SLC5A4: variants seen among roughly 807,000 people sequenced by gnomAD.
SLC5A4 encodes solute carrier family 5 member 4.
Under a neutral mutation model 70.3 loss-of-function variants are expected in SLC5A4, and 55 were observed. The ratio of observed to expected loss-of-function variants is 0.78; its 90% confidence interval spans 0.63 to 0.98. The LOEUF is 0.98. Ranked by LOEUF, SLC5A4 falls within the 50% of genes least tolerant of loss-of-function variation. SLC5A4 has a pLI of 0.00. For missense variants in SLC5A4, 735 were observed against 839.2 expected (o/e 0.88, Z 1.53); for synonymous variants, 268 against 305.7 (o/e 0.88, Z 1.29).
chr22:32,314,503 A>G, the SLC5A4 span, among the ~76,000 whole-genome samples: 14 of 152,358 alleles, frequency 9.2e-5, no homozygotes, highest in Non-Finnish European at 1.9e-4. Context: ...CATGTTGAAC[A>G]TATTTTTGAA....
At chr22:32,274,033 GAT>G in the SLC5A4 span, among the ~76,000 whole-genome samples, 1 of 148,784 alleles carries the variant, frequency 6.7e-6, no homozygotes, top group East Asian at 2.0e-4. Flanking sequence ...GTTAACATTT[GAT>G]ATTCTATTTT....
At chr22:32,316,867 C>T in the SLC5A4 span, among the ~76,000 whole-genome samples, 4 of 151,830 alleles carry the variant, frequency 2.6e-5, no homozygotes, top group African/African-American at 9.7e-5. Context: ...TTTCTCAATC[C>T]ATTCCATATG....
chr22:32,349,822 C>G, the SLC5A4 span, among the ~76,000 whole-genome samples: 1 of 152,140 alleles, frequency 6.6e-6, no homozygotes, highest in Non-Finnish European at 1.5e-5. Flanking sequence ...TCCTATATTT[C>G]TCTCTTTTTC....
At chr22:32,285,523 C>T in the SLC5A4 span, among the ~76,000 whole-genome samples, 1 of 152,076 alleles carries the variant, frequency 6.6e-6, no homozygotes, top group African/African-American at 2.4e-5. Context: ...TTTACATCAT[C>T]TTTTGTCATA....
chr22:32,248,106 G>A (rs917632211), intron 4 of SLC5A4, among the ~76,000 whole-genome samples: 2 of 152,096 alleles, frequency 1.3e-5, no homozygotes, highest in African/African-American at 2.4e-5. Flanking sequence ...CAAGAAATTT[G>A]ATTTTTTTGT....
At chr22:32,257,864 T>C (rs2145714366), upstream of SLC5A4, among the ~76,000 whole-genome samples, 1 of 151,078 alleles carries the variant, frequency 6.6e-6, no homozygotes, top group East Asian at 2.0e-4. Flanking sequence ...TGGATGGGGT[T>C]TCACCATATT....
At chr22:32,353,406 C>T in the SLC5A4 span, among the ~76,000 whole-genome samples, 4 of 152,080 alleles carry the variant, frequency 2.6e-5, no homozygotes, top group Non-Finnish European at 5.9e-5. Context: ...ATAGAGGGCG[C>T]GGGCCTGGGA....
intron 5 of SLC5A4, among the ~76,000 whole-genome samples, chr22:32,239,554 A>ATATTTATATATATATATATATATATATT (rs1555989379): frequency 5.9e-5 from 1 of 16,854 alleles, no homozygotes; most frequent in African/African-American, 4.5e-4. Flanking sequence ...ATATATATAT[A>ATATTTATATATATATATATATATATATT]TATATATATA....
At chr22:32,328,147 C>T in the SLC5A4 span, among the ~76,000 whole-genome samples, 149 of 152,226 alleles carry the variant, frequency 9.8e-4, 1 homozygote, top group East Asian at 4.6e-3. Context: ...CCCCAGCACA[C>T]ACACACCAAC....
chr22:32,339,474 C>T, the SLC5A4 span, among the ~76,000 whole-genome samples: 1 of 152,316 alleles, frequency 6.6e-6, no homozygotes, highest in South Asian at 2.1e-4. Flanking sequence ...ACGCAGCTCA[C>T]CCCTCTGCGG....
the SLC5A4 span, among the ~76,000 whole-genome samples, chr22:32,334,340 G>A: frequency 5.3e-5 from 8 of 152,088 alleles, no homozygotes; most frequent in African/African-American, 1.7e-4. Context: ...TGTCCTTCCT[G>A]GTCAGCAGCA....
chr22:32,326,695 C>T, the SLC5A4 span, among the ~76,000 whole-genome samples: 7 of 152,198 alleles, frequency 4.6e-5, no homozygotes, highest in East Asian at 3.8e-4. Flanking sequence ...TCCCAAGGAA[C>T]GCTACCTCAA....
the SLC5A4 span, among the ~76,000 whole-genome samples, chr22:32,333,939 C>T: frequency 4.7e-5 from 7 of 149,038 alleles, no homozygotes; most frequent in African/African-American, 1.2e-4. Flanking sequence ...CATAGACACA[C>T]GTCACACACC....
At chr22:32,292,672 A>G in the SLC5A4 span, among the ~76,000 whole-genome samples, 1 of 152,134 alleles carries the variant, frequency 6.6e-6, no homozygotes, top group Non-Finnish European at 1.5e-5. Context: ...TCTGAAGTTC[A>G]CTGATACTTG....
chr22:32,270,297 C>G, the SLC5A4 span: 3 of 830,522 alleles, frequency 3.6e-6, no homozygotes, highest in Non-Finnish European at 6.3e-6. Context: ...CTGAGCCGGA[C>G]CTGGAGATTG....
the SLC5A4 span, among the ~76,000 whole-genome samples, chr22:32,345,167 T>A: frequency 6.6e-6 from 1 of 152,094 alleles, no homozygotes; most frequent in African/African-American, 2.4e-5. Flanking sequence ...ACAATATTCA[T>A]GATATGAGGG....
At chr22:32,327,647 CAG>C in the SLC5A4 span, among the ~76,000 whole-genome samples, 7 of 152,330 alleles carry the variant, frequency 4.6e-5, no homozygotes, top group Non-Finnish European at 1.0e-4. Flanking sequence ...GAATAAATGA[CAG>C]AGAGCAGGTG....
chr22:32,338,779 G>T, the SLC5A4 span, among the ~76,000 whole-genome samples: 1 of 152,176 alleles, frequency 6.6e-6, no homozygotes, highest in Non-Finnish European at 1.5e-5. Context: ...AATGAGGCTG[G>T]TGCTGAAATC....
At chr22:32,265,512 AT>A in the SLC5A4 span, among the ~76,000 whole-genome samples, 277 of 152,336 alleles carry the variant, frequency 1.8e-3, 2 homozygotes, top group Non-Finnish European at 3.4e-3. Flanking sequence ...ATTAAATTAT[AT>A]GTGGATCCAA....
Sources: gnomAD v4.1 joint callset for allele counts (sites outside exome capture counted in the v4.1 genomes callset) on GRCh38, gnomAD v4.1.1 for gene constraint, MANE v1.5 for transcripts, NCBI Gene and HGNC (gene_info 2026-07-23, HGNC 2026-07-21) for gene names.